The following GEMIN2 variants were observed in gnomAD, a reference collection of about 807,000 sequenced individuals.
The protein encoded by GEMIN2 is gem-associated protein 2.
A neutral mutation model predicts 45.8 loss-of-function variants in GEMIN2; 37 were observed. That is an observed-to-expected ratio of 0.81 (90% CI 0.62 to 1.06). The LOEUF (loss-of-function observed/expected upper bound fraction) is 1.06, where lower values mean the gene tolerates loss of function less well. GEMIN2 is among the 50% of genes least tolerant of loss of function. GEMIN2 has a pLI of 0.00. For missense variants in GEMIN2, 335 were observed against 321.8 expected (o/e 1.04, Z -0.31); for synonymous variants, 101 against 111.5 (o/e 0.91, Z 0.60).
chr14:39,120,884 A>G lies in GEMIN2; in HGVS notation c.373-1546A>G, dbSNP rs566246675. Among the ~76,000 whole-genome samples, 8 of 152,286 alleles carry G rather than the reference A, an allele frequency of 5.3e-5. No homozygotes were observed. In the East Asian group the frequency reaches 1.4e-3, roughly 26 times the overall value. On this transcript the variant is annotated intron_variant, in intron 4 of 9. Transcript: ENST00000308317. ...TCAGGTGATTCATCCTAAGGATTTAATGAAAGCTACTTATCCCTAGGGGGA... is the reference window on the plus strand; with the variant it reads ...TCAGGTGATTCATCCTAAGGATTTAGTGAAAGCTACTTATCCCTAGGGGGA...
chr14:39,119,426 T>G (rs2052550749), intron 4 of GEMIN2, among the ~76,000 whole-genome samples: 1 of 152,226 alleles, frequency 6.6e-6, no homozygotes, highest in South Asian at 2.1e-4. Flanking sequence ...CTTTAGTAGA[T>G]ATATCAGGAC....
chr14:39,122,483 A>G lies in GEMIN2; in HGVS notation c.426A>G (p.Leu142=). 6.2e-7 allele frequency: 1 copy of G among 1,610,416 alleles called. No individual in the cohort carries two copies. Among genetic ancestry groups the G allele is most frequent in the Non-Finnish European group, 8.5e-7 (1 of 1,177,880 alleles). Residue 142 remains leucine (L), a synonymous_variant, in exon 5 of 10, where the codon TTA becomes TTG. Coordinates refer to ENST00000308317, the MANE Select transcript of GEMIN2 (RefSeq NM_003616.3). ...GWKKFCLGEK[L]CADGAVGPAT... ...AGAAATTTTGTCTGGGTGAAAAGTT[A>G]TGTGCTGACGGGGCTGTTGGACCAG...
Position 39,118,034 on chromosome 14 carries a change from C to T in GEMIN2, c.258C>T (p.Ser86=), listed in dbSNP as rs747137815. The T allele has an allele frequency of 4.4e-6, 7 of 1,608,318 alleles. No individual in the cohort carries two copies. Among genetic ancestry groups the T allele is most frequent in the East Asian group, 2.2e-5 (1 of 44,534 alleles). The change falls in exon 3 of 10, where the codon TCC becomes TCT. Residue 86 remains serine, a synonymous_variant. Transcript: ENST00000308317. The stretch of plus-strand genomic sequence containing the variant: ...GCCAACCCGCCCCTGAAGGTTATTC[C>T]CCAACACTTCAATGGCAACAGCAAC... ...SGCQPAPEGY[S]PTLQWQQQQV...
At chr14:39,127,455 G>A (rs2052659189) in intron 6 of GEMIN2, among the ~76,000 whole-genome samples, 1 of 148,900 alleles carries the variant, frequency 6.7e-6, no homozygotes, top group Admixed American at 6.8e-5. Context: ...GGATTCCCCG[G>A]CCTCAGCCTC....
Position 39,133,719 on chromosome 14 carries a change from G to A in GEMIN2, c.770G>A (p.Arg257Lys), listed in dbSNP as rs1412794802. ...ALNLLICLVS[R>K]YFDQRDLADE... The stretch of plus-strand genomic sequence containing the variant: ...AATTTATTAATCTGCTTGGTTAGCA[G>A]GTATAGTTAATCCTTGGCTTCTTTA... The change falls in exon 9 of 10, where the codon AGG (arginine) becomes AAG (lysine). Residue 257 changes from arginine (R) to lysine (K), a missense_variant and splice_region_variant. By Grantham distance (26) the Arg-to-Lys change is conservative. Transcript: ENST00000308317. The A allele has an allele frequency of 2.0e-6, 3 of 1,490,976 alleles. No individual in the cohort carries two copies. The highest frequency in any genetic ancestry group is 2.8e-5 in the African/African-American group (2 of 70,832). 92.4% of individuals were successfully genotyped at this position (1,490,976 alleles called of 1,614,324 possible).
chr14:39,115,697 C>T (rs934183591), intron 2 of GEMIN2, among the ~76,000 whole-genome samples: 2 of 151,994 alleles, frequency 1.3e-5, no homozygotes, highest in Non-Finnish European at 2.9e-5. Context: ...CCTCGTGATG[C>T]GCCCACCTCT....
Position 39,136,423 on chromosome 14 carries a change from T to TG in GEMIN2, c.771-16dup. Reference sequence around the variant, plus strand: ...TTAATATCTTTATACATAAATTTTTTGTTTTTTTTTTACTAGGTATTTTGA... The same window carrying TG: ...TTAATATCTTTATACATAAATTTTTTGGTTTTTTTTTTACTAGGTATTTTGA... On this transcript the variant is annotated splice_polypyrimidine_tract_variant and intron_variant, in intron 9 of 9. Transcript: ENST00000308317. 1 of 1,317,648 alleles carries TG rather than the reference T, an allele frequency of 7.6e-7. No individual in the cohort carries two copies. The highest frequency in any genetic ancestry group is 1.1e-6 in the Non-Finnish European group (1 of 911,760). 81.6% of individuals were successfully genotyped at this position (1,317,648 alleles called of 1,614,324 possible). A position where few individuals can be genotyped will look rare whatever the true frequency, so the allele number is the denominator to read the frequency against.
intron 2 of GEMIN2, among the ~76,000 whole-genome samples, chr14:39,115,831 C>G (rs922825249): frequency 6.6e-6 from 1 of 152,204 alleles, no homozygotes; most frequent in African/African-American, 2.4e-5. Context: ...AATTAAGCAA[C>G]TAGGTTGTGC....
chr14:39,128,465 A>C (rs1280750296), intron 7 of GEMIN2, 117 bp downstream of exon 7: 2 of 458,620 alleles, frequency 4.4e-6, no homozygotes, highest in African/African-American at 2.2e-5. Flanking sequence ...TTTTTACTGC[A>C]CATTTTCTTT....
intron 2 of GEMIN2, among the ~76,000 whole-genome samples, chr14:39,115,959 A>T (rs2052499252): frequency 6.6e-6 from 1 of 152,214 alleles, no homozygotes. Context: ...ACATATTGTG[A>T]TTATTGCTAT....
intron 5 of GEMIN2, among the ~76,000 whole-genome samples, chr14:39,124,429 T>A (rs987129699): frequency 6.6e-6 from 1 of 152,154 alleles, no homozygotes; most frequent in Non-Finnish European, 1.5e-5. Context: ...TGTAAAAAAT[T>A]TTTAGTCTTT....
intron 6 of GEMIN2, among the ~76,000 whole-genome samples, chr14:39,127,096 T>C (rs1483511007): frequency 6.6e-6 from 1 of 150,428 alleles, no homozygotes; most frequent in Admixed American, 6.6e-5. Flanking sequence ...ACATCTTTTT[T>C]TTTTTTTTTT....
Position 39,118,093 on chromosome 14 carries a change from G to A in GEMIN2, c.312+5G>A. Reference sequence around the variant, plus strand: ...CAGTTTTCAACTGTTCGACAGGTAAGTGTCATATTTAATCTAATTAAGCCC... The same window carrying A: ...CAGTTTTCAACTGTTCGACAGGTAAATGTCATATTTAATCTAATTAAGCCC... On this transcript the variant is annotated splice_donor_5th_base_variant and intron_variant, in intron 3 of 9. Transcript: ENST00000308317. 5 of 1,501,168 alleles carry A rather than the reference G, an allele frequency of 3.3e-6. No homozygotes were observed. Among genetic ancestry groups the A allele is most frequent in the Non-Finnish European group, 2.8e-6 (3 of 1,082,394 alleles). The allele number at this position is 1,501,168 out of a possible 1,614,324, so 93.0% of individuals were successfully genotyped here. A position where few individuals can be genotyped will look rare whatever the true frequency, so the allele number is the denominator to read the frequency against.
intron 5 of GEMIN2, among the ~76,000 whole-genome samples, chr14:39,123,085 G>A (rs1298744856): frequency 6.6e-6 from 1 of 152,126 alleles, no homozygotes; most frequent in Non-Finnish European, 1.5e-5. Flanking sequence ...ATGAAATGTT[G>A]AGGATATCTT....
chr14:39,131,752 C>A, intron 7 of GEMIN2: 2 of 432,588 alleles, frequency 4.6e-6, no homozygotes, highest in Admixed American at 4.1e-5. Context: ...TTGAGGTATC[C>A]AATGTCCTGT....
At chr14:39,119,292 G>A (rs930475850) in intron 4 of GEMIN2, among the ~76,000 whole-genome samples, 5 of 152,186 alleles carry the variant, frequency 3.3e-5, no homozygotes, top group Non-Finnish European at 4.4e-5. Flanking sequence ...CTTGTGAATG[G>A]ATTCTGCTTC....
At chr14:39,131,637 T>G (rs1296941743) in intron 7 of GEMIN2, 1 of 211,358 alleles carries the variant, frequency 4.7e-6, no homozygotes, top group Admixed American at 5.7e-5. Flanking sequence ...GTATCTTAAT[T>G]TTTTCCAGTA....
Position 39,119,169 on chromosome 14 carries a change from C to T in GEMIN2, c.372+570C>T, listed in dbSNP as rs529880528. 1.0e-3 allele frequency among the ~76,000 whole-genome samples: 152 copies of T among 152,210 alleles called. 1 individual carries two copies. The highest frequency in any genetic ancestry group is 3.5e-3 in the African/African-American group (146 of 41,540). On this transcript the variant is annotated intron_variant, in intron 4 of 9. Coordinates refer to ENST00000308317, the MANE Select transcript of GEMIN2 (RefSeq NM_003616.3). ...TTTTAAGGATTCTTCTAGACATTTA[C>T]TTTCTAGGAAATAAATACATTTTCA...
At chr14:39,135,554 C>G (rs2052771387) in intron 9 of GEMIN2, among the ~76,000 whole-genome samples, 1 of 151,452 alleles carries the variant, frequency 6.6e-6, no homozygotes, top group Non-Finnish European at 1.5e-5. Context: ...CCATTGCACT[C>G]CAGCCTGGGC....
Sources: gnomAD v4.1 joint callset for allele counts (sites outside exome capture counted in the v4.1 genomes callset) on GRCh38, gnomAD v4.1.1 for gene constraint, MANE v1.5 for transcripts, NCBI Gene and HGNC (gene_info 2026-07-23, HGNC 2026-07-21) for gene names.